TMEM184B: variants seen among roughly 807,000 people sequenced by gnomAD.
The protein encoded by TMEM184B is transmembrane protein 184B.
Under a neutral mutation model 41.8 loss-of-function variants are expected in TMEM184B, and 17 were observed. The observed-to-expected ratio is 0.41, with a 90% CI of 0.28 to 0.61. The LOEUF (loss-of-function observed/expected upper bound fraction) is 0.61, where lower values mean the gene tolerates loss of function less well. Ranked by LOEUF, TMEM184B falls within the 20% of genes least tolerant of loss-of-function variation. TMEM184B has a pLI of 0.34. For missense variants in TMEM184B, 393 were observed against 557.8 expected, an observed-to-expected ratio of 0.70 and a Z score of 2.98; for synonymous variants, 240 against 229.5, an observed-to-expected ratio of 1.05 and a Z score of -0.41.
chr22:38,265,369 C>T (rs777354839), intron 1 of TMEM184B, among the ~76,000 whole-genome samples: 2 of 152,176 alleles, frequency 1.3e-5, no homozygotes, highest in African/African-American at 4.8e-5. Flanking sequence ...GCTTTATTCA[C>T]GTGCTTTCCA....
Position 38,219,877 on chromosome 22 carries a change from C to T in TMEM184B, c.*1592G>A. 1.0e-6 allele frequency: 1 copy of T among 985,166 alleles called. No homozygotes were observed. Among genetic ancestry groups the T allele is most frequent in the Non-Finnish European group, 1.2e-6 (1 of 829,826 alleles). The allele number at this position is 985,166 out of a possible 1,614,324, so 61.0% of individuals were successfully genotyped here. ...CCCAAGATGGAGGGGGAGAGCTGGC[C>T]TCTGGCACCCACATGCAGGCCTCTG... On this transcript the variant is annotated 3_prime_UTR_variant, in exon 9 of 9. Coordinates refer to ENST00000361906, the MANE Select transcript of TMEM184B (RefSeq NM_012264.5).
Position 38,220,087 on chromosome 22 carries a change from C to T in TMEM184B, c.*1382G>A, listed in dbSNP as rs1481102426. ...ACTGCAGCCCAAACCCAGGGATAAT[C>T]TGGGTTTTAAATGCCAGGACACTTT... On this transcript the variant is annotated 3_prime_UTR_variant, in exon 9 of 9. Coordinates refer to ENST00000361906, the MANE Select transcript of TMEM184B (RefSeq NM_012264.5). 1.4e-5 allele frequency: 14 copies of T among 985,342 alleles called. No homozygotes were observed. Among genetic ancestry groups the T allele is most frequent in the Non-Finnish European group, 1.7e-5 (14 of 829,976 alleles). 61.0% of individuals were successfully genotyped at this position (985,342 alleles called of 1,614,324 possible).
Position 38,240,219 on chromosome 22 carries a change from G to C in TMEM184B, c.358+5716C>G, listed in dbSNP as rs1472837597. Among the ~76,000 whole-genome samples, 5 of 151,988 alleles carry C rather than the reference G, an allele frequency of 3.3e-5. No homozygotes were observed. The South Asian group carries it at 1.0e-3, about 32-fold the overall frequency. ...GAATTCAAGAGATAGAGACAATGTA[G>C]GGAACAGAAGAAAACTGCAATGACC... On this transcript the variant is annotated intron_variant, in intron 3 of 8. Coordinates refer to ENST00000361906, the MANE Select transcript of TMEM184B (RefSeq NM_012264.5).
Position 38,239,076 on chromosome 22 carries a change from A to C in TMEM184B, c.358+6859T>G, listed in dbSNP as rs1382071819. Among the ~76,000 whole-genome samples, 2 of 152,032 alleles carry C rather than the reference A, an allele frequency of 1.3e-5. No individual in the cohort carries two copies. The highest frequency in any genetic ancestry group is 4.8e-5 in the African/African-American group (2 of 41,358). ...AAGGCCCTGTGCCTCTGATCACAGAACTCCCCAGCACTGTCTCAGAGTTGT... is the reference window on the plus strand; with the variant it reads ...AAGGCCCTGTGCCTCTGATCACAGACCTCCCCAGCACTGTCTCAGAGTTGT... On this transcript the variant is annotated intron_variant, in intron 3 of 8. Transcript: ENST00000361906. The surrounding 1 kb of genome is among the most constrained non-coding windows in gnomAD (Gnocchi z 4.6).
At chr22:38,266,504 G>T (rs1422993124) in intron 1 of TMEM184B, among the ~76,000 whole-genome samples, 1 of 152,232 alleles carries the variant, frequency 6.6e-6, no homozygotes, top group African/African-American at 2.4e-5. Flanking sequence ...CTGCAACGGT[G>T]CCGTCCAGCT....
At chr22:38,228,014 G>C (rs971453265) in intron 5 of TMEM184B, among the ~76,000 whole-genome samples, 1 of 152,214 alleles carries the variant, frequency 6.6e-6, no homozygotes, top group African/African-American at 2.4e-5. Flanking sequence ...GCTGCAAAGA[G>C]GACGAGGAGC....
intron 3 of TMEM184B, among the ~76,000 whole-genome samples, chr22:38,240,206 T>G (rs562405980): frequency 2.6e-4 from 40 of 151,730 alleles, no homozygotes; most frequent in African/African-American, 8.7e-4. Flanking sequence ...ATTCAAGAGA[T>G]AGAGACAATG....
At chr22:38,231,023 A>G (rs1026962883) in intron 4 of TMEM184B, among the ~76,000 whole-genome samples, 1 of 152,222 alleles carries the variant, frequency 6.6e-6, no homozygotes, top group African/African-American at 2.4e-5. Flanking sequence ...ACAGGAAAGC[A>G]CTAAGACTGA....
At chr22:38,270,321 T>C (rs2092503437) in intron 1 of TMEM184B, among the ~76,000 whole-genome samples, 2 of 152,244 alleles carry the variant, frequency 1.3e-5, no homozygotes, top group African/African-American at 4.8e-5. Flanking sequence ...CACTCTCTGC[T>C]GCCTCCCCTA....
intron 2 of TMEM184B, among the ~76,000 whole-genome samples, chr22:38,247,422 G>A (rs1290231874): frequency 1.3e-5 from 2 of 152,246 alleles, no homozygotes; most frequent in African/African-American, 4.8e-5. Flanking sequence ...GTCGGAACCT[G>A]CGCTGCACTG....
At position 38,225,079 on chromosome 22, in the gene TMEM184B, G is replaced by A. The variant is rs2091391404; in HGVS notation, c.788-100C>T. On this transcript the variant is annotated intron_variant, in intron 7 of 8. Transcript: ENST00000361906. The surrounding 1 kb of genome is among the most constrained non-coding windows in gnomAD (Gnocchi z 4.4). Reference sequence around the variant, plus strand: ...TCAGCTGCCCACATGCCCCAGTGAGGATGTGAGCAGGGCCACAGCTGCTCC... The same window carrying A: ...TCAGCTGCCCACATGCCCCAGTGAGAATGTGAGCAGGGCCACAGCTGCTCC... 8 of 1,335,154 alleles carry A rather than the reference G, an allele frequency of 6.0e-6. No homozygotes were observed. Among genetic ancestry groups the A allele is most frequent in the African/African-American group, 1.5e-5 (1 of 68,190 alleles). 82.7% of individuals were successfully genotyped at this position (1,335,154 alleles called of 1,614,324 possible).
chr22:38,223,230 G>T, intron 8 of TMEM184B: 1 of 152,600 alleles, frequency 6.6e-6, no homozygotes, highest in Non-Finnish European at 1.5e-5. Context: ...ATGTCTAGAG[G>T]GACAGCTCAG....
chr22:38,220,569 T>C lies in TMEM184B; in HGVS notation c.*900A>G, dbSNP rs561498829. 2.0e-6 allele frequency: 2 copies of C among 985,898 alleles called. No homozygotes were observed. The highest frequency in any genetic ancestry group is 3.5e-5 in the African/African-American group (2 of 57,344). 61.1% of individuals were successfully genotyped at this position (985,898 alleles called of 1,614,324 possible). ...GGTCTGAAACGTGGAGACTCAGACC[T>C]TTCCCCTGAAACGGGAGGGAGAAGC... On this transcript the variant is annotated 3_prime_UTR_variant, in exon 9 of 9. Transcript: ENST00000361906.
chr22:38,230,606 CG>C, intron 5 of TMEM184B, 62 bp downstream of exon 5: 1 of 1,537,900 alleles, frequency 6.5e-7, no homozygotes, highest in African/African-American at 1.4e-5. Flanking sequence ...GGGCAGCCCA[CG>C]GCAGGGCCTC....
rs550793359 is a variant in TMEM184B, at chr22:38,240,732, C to CAA, written c.358+5201_358+5202dup. Among the ~76,000 whole-genome samples the CAA allele has an allele frequency of 8.8e-3, 588 of 66,488 alleles. 6 individuals are homozygous for CAA. The highest frequency in any genetic ancestry group is 0.01 in the Non-Finnish European group (354 of 34,976). The allele number at this position is 66,488 out of a possible 152,430, so 43.6% of individuals were successfully genotyped here. On this transcript the variant is annotated intron_variant, in intron 3 of 8. Transcript: ENST00000361906. ...AAGAGGAGAGGGGGGGAAAAAAAGG[C>CAA]AAAAAAAAAAAAAAAAAAAAAAAGC...
intron 5 of TMEM184B, among the ~76,000 whole-genome samples, chr22:38,228,375 C>G (rs950366700): frequency 6.6e-6 from 1 of 151,932 alleles, no homozygotes; most frequent in African/African-American, 2.4e-5. Context: ...CCCCATGGTA[C>G]AGGTGAGGAA....
chr22:38,240,754 A>AAAAAAAAAC (rs2091888535), intron 3 of TMEM184B, among the ~76,000 whole-genome samples: 1 of 148,652 alleles, frequency 6.7e-6, no homozygotes, highest in Non-Finnish European at 1.5e-5. Flanking sequence ...AAAAAAAAAA[A>AAAAAAAAAC]AGCACAAGCA....
chr22:38,221,108 G>A lies in TMEM184B; in HGVS notation c.*361C>T, dbSNP rs1332904560. 9.1e-7 allele frequency: 1 copy of A among 1,100,534 alleles called. No homozygotes were observed. Among genetic ancestry groups the A allele is most frequent in the African/African-American group, 1.6e-5 (1 of 60,830 alleles). The allele number at this position is 1,100,534 out of a possible 1,614,324, so 68.2% of individuals were successfully genotyped here. Reference sequence around the variant, plus strand: ...CGACCTCAGCCTGAGAGTCTCGCGGGGAGGAGGGGCTAGAAGGCTGCAGCC... The same window carrying A: ...CGACCTCAGCCTGAGAGTCTCGCGGAGAGGAGGGGCTAGAAGGCTGCAGCC... On this transcript the variant is annotated 3_prime_UTR_variant, in exon 9 of 9. Transcript: ENST00000361906.
At chr22:38,224,505 G>T (rs370814628) in intron 8 of TMEM184B, among the ~76,000 whole-genome samples, 114 of 152,328 alleles carry the variant, frequency 7.5e-4, no homozygotes, top group Admixed American at 2.2e-3. Context: ...AAGCCCGAGG[G>T]AATTTGTCTA....
Sources: allele counts gnomAD v4.1 joint callset (sites outside exome capture counted in the v4.1 genomes callset), GRCh38; gene constraint gnomAD v4.1.1; non-coding constraint Gnocchi (gnomAD v3.1); transcripts MANE v1.5; gene names NCBI Gene and HGNC (gene_info 2026-07-23, HGNC 2026-07-21).